Variants in DOCK3 observed in about 807,000 individuals in gnomAD.
DOCK3 encodes dedicator of cytokinesis 3.
DOCK3 carries 60 observed loss-of-function variants against 265.6 expected under a neutral mutation model. The ratio of observed to expected loss-of-function variants is 0.23; its 90% CI spans 0.18 to 0.28. The LOEUF (loss-of-function observed/expected upper bound fraction) is 0.28. Ranked by LOEUF, DOCK3 falls within the 10% of genes least tolerant of loss-of-function variation. DOCK3 has a pLI of 1.00. For missense variants in DOCK3, 1,981 were observed against 2,594.3 expected (o/e 0.76, Z 5.14); for synonymous variants, 881 against 938.0 (o/e 0.94, Z 1.11).
chr3:51,226,634 G>T (rs190049958), intron 15 of DOCK3, among the ~76,000 whole-genome samples: 65 of 152,340 alleles, frequency 4.3e-4, no homozygotes, highest in African/African-American at 1.5e-3. Context: ...GAGCATGCCA[G>T]TGGCAGGAGA....
intron 37 of DOCK3, 98 bp downstream of exon 37, chr3:51,339,126 A>G: frequency 1.9e-6 from 2 of 1,028,842 alleles, no homozygotes; most frequent in South Asian, 1.7e-5. Flanking sequence ...TGCCTGCCAG[A>G]TCTCAGCAGA....
intron 4 of DOCK3, among the ~76,000 whole-genome samples, chr3:50,908,481 A>T (rs1332880758): frequency 6.6e-6 from 1 of 152,064 alleles, no homozygotes; most frequent in Non-Finnish European, 1.5e-5. Context: ...TTATTCACCC[A>T]GTAGTCAATT....
Position 51,332,293 on chromosome 3 carries a change from A to C in DOCK3, c.3489-708A>C, listed in dbSNP as rs1218479502. ...AGAGTTCAGGTCATTGTCCATTAGG[A>C]AAGACCTGTGCGATGGCAGAGGATC... On this transcript the variant is annotated intron_variant, in intron 33 of 52. Transcript: ENST00000266037. Among the ~76,000 whole-genome samples the C allele has an allele frequency of 2.6e-5, 4 of 152,200 alleles. No individual in the cohort carries two copies. The East Asian group carries it at 7.7e-4, about 29-fold the overall frequency.
intron 3 of DOCK3, among the ~76,000 whole-genome samples, chr3:50,889,714 C>G (rs13093798): frequency 6.6e-6 from 1 of 151,902 alleles, no homozygotes; most frequent in Non-Finnish European, 1.5e-5. Context: ...GTTCTGTACA[C>G]AATACTGTTT....
chr3:50,744,705 G>A (rs2108262567), intron 1 of DOCK3, among the ~76,000 whole-genome samples: 1 of 152,290 alleles, frequency 6.6e-6, no homozygotes, highest in South Asian at 2.1e-4. Context: ...AAAGTGTTGG[G>A]GTTACAGGCG....
chr3:50,770,375 A>C (rs543048350), intron 1 of DOCK3, among the ~76,000 whole-genome samples: 2 of 152,134 alleles, frequency 1.3e-5, no homozygotes, highest in African/African-American at 4.8e-5. Context: ...AATAGTTAAG[A>C]ATTAACCAAA....
At chr3:50,879,107 T>C (rs2047883375) in intron 3 of DOCK3, among the ~76,000 whole-genome samples, 1 of 152,070 alleles carries the variant, frequency 6.6e-6, no homozygotes, top group African/African-American at 2.4e-5. Flanking sequence ...CAGGCCTGCC[T>C]TACAAGAGCT....
At chr3:51,095,866 A>AT (rs1320975054) in intron 9 of DOCK3, among the ~76,000 whole-genome samples, 10 of 141,318 alleles carry the variant, frequency 7.1e-5, no homozygotes, top group African/African-American at 2.4e-4. Context: ...AAAAAAAAAA[A>AT]AAAAAAAAAA....
chr3:50,717,535 T>G (rs978373321), intron 1 of DOCK3, among the ~76,000 whole-genome samples: 1 of 152,156 alleles, frequency 6.6e-6, no homozygotes, highest in African/African-American at 2.4e-5. Flanking sequence ...TTATCTTGGG[T>G]TTTTTGAGTA....
chr3:51,095,750 C>G (rs2082821491), intron 9 of DOCK3, among the ~76,000 whole-genome samples: 1 of 141,860 alleles, frequency 7.0e-6, no homozygotes, highest in Admixed American at 7.7e-5. Context: ...TCTCTCAATT[C>G]TTATAACAGC....
At chr3:51,197,325 A>G (rs1265899764) in intron 12 of DOCK3, among the ~76,000 whole-genome samples, 1 of 152,110 alleles carries the variant, frequency 6.6e-6, no homozygotes, top group South Asian at 2.1e-4. Flanking sequence ...AGATGCTGGT[A>G]GTGGCAGTGG....
At chr3:51,048,403 G>A (rs982956365) in intron 5 of DOCK3, among the ~76,000 whole-genome samples, 8 of 152,258 alleles carry the variant, frequency 5.3e-5, no homozygotes, top group African/African-American at 1.9e-4. Context: ...GAGACTGCAA[G>A]TATTGTGGAA....
chr3:51,182,766 G>A (rs2087377211), intron 12 of DOCK3, among the ~76,000 whole-genome samples: 1 of 152,134 alleles, frequency 6.6e-6, no homozygotes, highest in African/African-American at 2.4e-5. Context: ...TGTTTCTCCT[G>A]CCAACAGATG....
intron 2 of DOCK3, among the ~76,000 whole-genome samples, chr3:50,839,700 TCC>T (rs2045710040): frequency 2.1e-5 from 1 of 47,306 alleles, no homozygotes. Context: ...TTTTCTCCCC[TCC>T]CCTCCCCTCC....
chr3:50,687,217 GA>G (rs1264476252), intron 1 of DOCK3, among the ~76,000 whole-genome samples: 28 of 143,430 alleles, frequency 2.0e-4, no homozygotes, highest in African/African-American at 2.3e-4. Context: ...GTCCATCACA[GA>G]AAAAAAAAAA....
rs1422495280 is a variant in DOCK3 at position 51,016,224 on chromosome 3, T to A, written c.316-48224T>A. 4.7e-4 allele frequency among the ~76,000 whole-genome samples: 2 copies of A among 4,280 alleles called. 1 individual carries two copies. The highest frequency in any genetic ancestry group is 5.9e-4 in the Non-Finnish European group (2 of 3,400). The allele number at this position is 4,280 out of a possible 152,430, so 2.8% of individuals were successfully genotyped here. A position where few individuals can be genotyped will look rare whatever the true frequency, so the allele number is the denominator to read the frequency against. The stretch of plus-strand genomic sequence containing the variant: ...TATATCATATATTTCTACATATATA[T>A]ATCATATATTTCTACATATATATAT... On this transcript the variant is annotated intron_variant, in intron 5 of 52. Coordinates refer to ENST00000266037, the MANE Select transcript of DOCK3 (RefSeq NM_004947.5).
At chr3:51,235,292 T>C (rs969203586) in intron 19 of DOCK3, among the ~76,000 whole-genome samples, 1 of 152,238 alleles carries the variant, frequency 6.6e-6, no homozygotes, top group African/African-American at 2.4e-5. Flanking sequence ...CTTCTAAGAA[T>C]ATTGAAAATA....
intron 9 of DOCK3, among the ~76,000 whole-genome samples, chr3:51,122,795 C>T (rs755015250): frequency 2.6e-4 from 39 of 152,242 alleles, no homozygotes; most frequent in Non-Finnish European, 5.3e-4. Flanking sequence ...AGCATCCTGA[C>T]ATCTGACCTG....
intron 2 of DOCK3, among the ~76,000 whole-genome samples, chr3:50,801,923 C>A (rs1209251953): frequency 1.3e-5 from 2 of 152,164 alleles, no homozygotes; most frequent in Non-Finnish European, 2.9e-5. Flanking sequence ...TATTCTCTTG[C>A]TAACTTGATT....
Sources: gnomAD v4.1 joint callset for allele counts (sites outside exome capture counted in the v4.1 genomes callset) on GRCh38, gnomAD v4.1.1 for gene constraint, MANE v1.5 for transcripts, NCBI Gene and HGNC (gene_info 2026-07-23, HGNC 2026-07-21) for gene names.